RP1: variants seen among roughly 807,000 people sequenced by gnomAD.
RP1 encodes the protein oxygen-regulated protein 1.
Under a neutral mutation model 14.8 loss-of-function variants are expected in RP1, and 16 were observed. The observed-to-expected ratio is 1.08, with a 90% CI of 0.73 to 1.65. RP1 has a LOEUF of 1.65. Among genes scored for constraint, RP1 ranks in the 40% most tolerant of loss-of-function variants. RP1 has a pLI of 0.00. For synonymous variants in RP1, 876 were observed against 883.6 expected, an observed-to-expected ratio of 0.99 and a Z score of 0.15; for missense variants, 2,631 against 2,535.0, an observed-to-expected ratio of 1.04 and a Z score of -0.81.
intron 22 of RP1, among the ~76,000 whole-genome samples, chr8:54,767,266 T>C (rs1197697987): frequency 6.6e-6 from 1 of 152,226 alleles, no homozygotes; most frequent in African/African-American, 2.4e-5. Context: ...TTACAAAGAT[T>C]AAGGACATGG....
chr8:54,829,176 C>T (rs9650312), intron 24 of RP1, among the ~76,000 whole-genome samples: 46,522 of 151,810 alleles, frequency 0.31, 7,332 homozygotes, highest in South Asian at 0.37. Context: ...CATCATTGAC[C>T]CAAATGTTGT....
At chr8:54,595,620 T>C (rs1458208486) in intron 1 of RP1, among the ~76,000 whole-genome samples, 1 of 152,234 alleles carries the variant, frequency 6.6e-6, no homozygotes, top group Admixed American at 6.5e-5. Flanking sequence ...AATAATTTAT[T>C]TGAAATCTCA....
intron 24 of RP1, among the ~76,000 whole-genome samples, chr8:54,790,236 G>A (rs1312166631): frequency 6.6e-6 from 1 of 152,186 alleles, no homozygotes; most frequent in Non-Finnish European, 1.5e-5. Flanking sequence ...CAGAGCATGG[G>A]CAGATGTCTT....
At chr8:54,696,160 A>T (rs1807856204) in intron 12 of RP1, among the ~76,000 whole-genome samples, 2 of 152,284 alleles carry the variant, frequency 1.3e-5, no homozygotes, top group African/African-American at 4.8e-5. Flanking sequence ...AATTTATTGC[A>T]TTTACCAATG....
At chr8:54,783,815 T>C in intron 24 of RP1, 1 of 748,886 alleles carries the variant, frequency 1.3e-6, no homozygotes, top group African/African-American at 1.8e-5. Flanking sequence ...GTATTGCATT[T>C]GCATTAAATT....
chr8:54,751,441 A>C (rs900016076), intron 19 of RP1, among the ~76,000 whole-genome samples: 3 of 152,138 alleles, frequency 2.0e-5, no homozygotes, highest in African/African-American at 4.8e-5. Flanking sequence ...GCAAACATTT[A>C]ATCTTTGATT....
intron 26 of RP1, among the ~76,000 whole-genome samples, chr8:54,856,198 G>T (rs909922518): frequency 1.1e-4 from 16 of 152,170 alleles, no homozygotes; most frequent in Non-Finnish European, 8.8e-5. Context: ...GGTGGAGCAA[G>T]AATGCACTGT....
chr8:54,719,060 A>T (rs1199148045), intron 15 of RP1, among the ~76,000 whole-genome samples: 1 of 152,202 alleles, frequency 6.6e-6, no homozygotes, highest in Non-Finnish European at 1.5e-5. Context: ...CAAACTTCCT[A>T]TGCTGCAACA....
intron 1 of RP1, among the ~76,000 whole-genome samples, chr8:54,619,519 GC>G (rs1482153115): frequency 6.6e-6 from 1 of 152,254 alleles, no homozygotes; most frequent in East Asian, 1.9e-4. Context: ...TGAAAACAAG[GC>G]CAGAACCAGA....
chr8:54,648,960 C>A, intron 3 of RP1: 1 of 1,471,318 alleles, frequency 6.8e-7, no homozygotes, highest in Non-Finnish European at 8.9e-7. Flanking sequence ...TGCCATAATG[C>A]TGTATGTTAT....
At chr8:54,589,299 C>T (rs75613390) in intron 1 of RP1, among the ~76,000 whole-genome samples, 2,825 of 152,148 alleles carry the variant, frequency 0.019, 55 homozygotes, top group Non-Finnish European at 0.028. Flanking sequence ...AGGATAATAT[C>T]CTGAATTTGG....
intron 1 of RP1, among the ~76,000 whole-genome samples, chr8:54,587,527 A>C: frequency 6.6e-6 from 1 of 152,128 alleles, no homozygotes; most frequent in Non-Finnish European, 1.5e-5. Context: ...GGAGGTGAAA[A>C]TCCTCCCTCT....
Position 54,628,254 on chromosome 8 carries a change from A to C in RP1, c.4372A>C (p.Ser1458Arg), listed in dbSNP as rs749367692. Reference protein sequence around the residue: ...PGSITNSMTSSERNISELESF... With the variant: ...PGSITNSMTSRERNISELESF... ...CTCAATAACCAACAGCATGACATCA[A>C]GTGAAAGAAACATTTCAGAATTGGA... Residue 1458 changes from serine to arginine, a missense_variant, in exon 4 of 4, where the codon AGT becomes CGT. Transcript: ENST00000220676. The C allele has an allele frequency of 6.2e-6, 10 of 1,613,908 alleles. No individual in the cohort carries two copies. Among genetic ancestry groups the C allele is most frequent in the Non-Finnish European group, 7.6e-6 (9 of 1,179,956 alleles).
intron 16 of RP1, among the ~76,000 whole-genome samples, chr8:54,725,369 A>G (rs1028252902): frequency 2.0e-5 from 3 of 152,198 alleles, no homozygotes; most frequent in Non-Finnish European, 4.4e-5. Flanking sequence ...TGGAAAAACT[A>G]TGTTTTAAAA....
intron 1 of RP1, among the ~76,000 whole-genome samples, chr8:54,586,225 C>A (rs1283337027): frequency 3.9e-5 from 6 of 152,190 alleles, no homozygotes; most frequent in African/African-American, 1.2e-4. Flanking sequence ...AGTCAGGACC[C>A]TCAGCTGCAG....
At position 54,627,301 on chromosome 8, in the gene RP1, G is replaced by A. The variant is rs1025535519; in HGVS notation, c.3419G>A (p.Gly1140Glu). 1 of 1,614,108 alleles carries A rather than the reference G, an allele frequency of 6.2e-7. No homozygotes were observed. The highest frequency in any genetic ancestry group is 8.5e-7 in the Non-Finnish European group (1 of 1,179,988). ...LAWLLVLNLK[G>E]SMNSFCQVDA... ...TGGCTCTTGGTGCTAAACCTAAAGG[G>A]AAGTATGAATAGCTTCTGTCAAGTT... is the stretch of plus-strand genomic sequence containing the variant. Residue 1140 changes from glycine to glutamate, a missense_variant, in exon 4 of 4, where the codon GGA becomes GAA. Coordinates refer to ENST00000220676, the MANE Select transcript of RP1 (RefSeq NM_006269.2).
intron 1 of RP1, among the ~76,000 whole-genome samples, chr8:54,584,372 G>A (rs1213412703): frequency 6.6e-5 from 10 of 152,314 alleles, no homozygotes; most frequent in Non-Finnish European, 1.0e-4. Context: ...GAGACAGTTT[G>A]TTATAATTTC....
chr8:54,692,746 A>T (rs1207467020), intron 12 of RP1, among the ~76,000 whole-genome samples: 2 of 148,462 alleles, frequency 1.3e-5, no homozygotes, highest in Non-Finnish European at 3.0e-5. Context: ...GGTTGCGAAA[A>T]TTTTCTCCCA....
intron 1 of RP1, among the ~76,000 whole-genome samples, chr8:54,569,714 A>T (rs1405756272): frequency 1.3e-5 from 2 of 152,228 alleles, no homozygotes; most frequent in Non-Finnish European, 2.9e-5. Flanking sequence ...CAGGCACTGT[A>T]TTAAGGACTG....
Sources: gnomAD v4.1 joint callset for allele counts (sites outside exome capture counted in the v4.1 genomes callset) on GRCh38, gnomAD v4.1.1 for gene constraint, MANE v1.5 for transcripts, NCBI Gene and HGNC (gene_info 2026-07-23, HGNC 2026-07-21) for gene names.